Variants in ACVR1 observed in about 807,000 individuals in gnomAD.
ACVR1 encodes the protein activin receptor type-1.
A neutral mutation model predicts 57.1 loss-of-function variants in ACVR1; 38 were observed. That is an observed-to-expected ratio of 0.67 (90% confidence interval 0.51 to 0.87). The LOEUF (loss-of-function observed/expected upper bound fraction) is 0.87. Among genes scored for constraint, ACVR1 ranks in the 40% least tolerant of loss-of-function variants. The pLI is 0.00. For missense variants in ACVR1, 463 were observed against 638.2 expected, an observed-to-expected ratio of 0.73 and a Z score of 2.96; for synonymous variants, 212 against 228.1, an observed-to-expected ratio of 0.93 and a Z score of 0.63.
At chr2:157,867,395 C>T (rs574039459) in intron 1 of ACVR1, among the ~76,000 whole-genome samples, 124 of 152,218 alleles carry the variant, frequency 8.1e-4, no homozygotes, top group Non-Finnish European at 1.5e-3. Flanking sequence ...TAGGGTCAAT[C>T]CAGTTAGCCT....
chr2:157,779,048 C>T (rs908694405), intron 4 of ACVR1, among the ~76,000 whole-genome samples: 1 of 152,134 alleles, frequency 6.6e-6, no homozygotes, highest in Non-Finnish European at 1.5e-5. Flanking sequence ...GCTTGGCATA[C>T]ATCATACTCC....
Position 157,805,780 on chromosome 2 carries a change from T to TTTTG in ACVR1, c.-7-6284_-7-6281dup, listed in dbSNP as rs1028957396. Among the ~76,000 whole-genome samples, 13 of 151,696 alleles carry TTTTG rather than the reference T, an allele frequency of 8.6e-5. No individual in the cohort carries two copies. The South Asian group carries it at 1.0e-3, about 12-fold the overall frequency. Reference sequence around the variant, plus strand: ...TCTTGTTCTGTCATCCTTAACAGTTTTTTGTTTGTTTGTTTGTTTGGGTTT... The same window carrying TTTTG: ...TCTTGTTCTGTCATCCTTAACAGTTTTTTGTTTGTTTGTTTGTTTGTTTGGGTTT... On this transcript the variant is annotated intron_variant, in intron 2 of 10. Transcript: ENST00000434821.
Position 157,795,311 on chromosome 2 carries a change from A to C in ACVR1, c.67+4116T>G, listed in dbSNP as rs946042257. Among the ~76,000 whole-genome samples, 5 of 151,816 alleles carry C rather than the reference A, an allele frequency of 3.3e-5. No individual in the cohort carries two copies. In the South Asian group the frequency reaches 1.0e-3, roughly 32 times the overall value. ...TTGAGGATACTAGAGTGTATTATAAATAGGGTTTCTCTTTGGTTTTTAAAA... is the reference window on the plus strand; with the variant it reads ...TTGAGGATACTAGAGTGTATTATAACTAGGGTTTCTCTTTGGTTTTTAAAA... On this transcript the variant is annotated intron_variant, in intron 3 of 10. Transcript: ENST00000434821.
At position 157,737,540 on chromosome 2, in the gene ACVR1, A is replaced by G; in HGVS notation, c.1521T>C (p.Thr507=). Residue 507 remains threonine (T), a synonymous_variant, in exon 11 of 11, where the codon ACT becomes ACC. Coordinates refer to ENST00000434821, the MANE Select transcript of ACVR1 (RefSeq NM_001111067.4). The stretch of plus-strand genomic sequence containing the variant: ...TGACACTATGAAAATGTCAACAGTC[A>G]GTTTTCAATTTGTCGAGGGAATTAT... ...KIDNSLDKLK[T]DC is the part of the protein sequence containing the mutation. The G allele has an allele frequency of 6.2e-7, 1 of 1,614,068 alleles. No homozygotes were observed. The highest frequency in any genetic ancestry group is 8.5e-7 in the Non-Finnish European group (1 of 1,179,974).
chr2:157,782,076 T>C (rs1336620688), intron 3 of ACVR1, among the ~76,000 whole-genome samples: 1 of 152,236 alleles, frequency 6.6e-6, no homozygotes, highest in African/African-American at 2.4e-5. Context: ...GTAAGGTCTT[T>C]GAAAATGTCA....
intron 2 of ACVR1, among the ~76,000 whole-genome samples, chr2:157,804,265 G>A (rs1014052440): frequency 1.2e-4 from 19 of 152,086 alleles, no homozygotes; most frequent in African/African-American, 1.9e-4. Context: ...AGCACTTAGC[G>A]GATACCTGAC....
At chr2:157,807,901 G>A (rs1687614188) in intron 2 of ACVR1, among the ~76,000 whole-genome samples, 1 of 147,216 alleles carries the variant, frequency 6.8e-6, no homozygotes, top group Non-Finnish European at 1.5e-5. Context: ...AGGCCAGAGA[G>A]GTACATTTCT....
intron 9 of ACVR1, among the ~76,000 whole-genome samples, chr2:157,758,405 T>TTTG (rs748804024): frequency 4.2e-4 from 64 of 151,986 alleles, no homozygotes; most frequent in South Asian, 8.3e-4. Flanking sequence ...ATACTGTATT[T>TTTG]TTGTTGTTGT....
chr2:157,770,393 C>G lies in ACVR1; in HGVS notation c.765G>C (p.Val255=). 1 of 1,614,100 alleles carries G rather than the reference C, an allele frequency of 6.2e-7. No individual in the cohort carries two copies. The highest frequency in any genetic ancestry group is 8.5e-7 in the Non-Finnish European group (1 of 1,179,952). Residue 255 remains valine (V), a synonymous_variant, in exon 7 of 11, where the codon GTG becomes GTC. Coordinates refer to ENST00000434821, the MANE Select transcript of ACVR1 (RefSeq NM_001111067.4). ...WFRETELYNT[V]MLRHENILGF... is the part of the protein sequence containing the mutation. The stretch of plus-strand genomic sequence containing the variant: ...CTAAGATATTTTCATGCCTCAGCAT[C>G]ACAGTGTTGTACAATTCCGTTTCCC...
chr2:157,828,661 G>A (rs566917807), intron 1 of ACVR1, among the ~76,000 whole-genome samples: 155 of 152,088 alleles, frequency 1.0e-3, no homozygotes, highest in African/African-American at 3.4e-3. Flanking sequence ...TACTGCGATG[G>A]CACCCAACCC....
At chr2:157,861,748 G>A (rs752335943) in intron 1 of ACVR1, among the ~76,000 whole-genome samples, 16 of 152,080 alleles carry the variant, frequency 1.1e-4, no homozygotes, top group East Asian at 5.8e-4. Flanking sequence ...TCAAAATCAC[G>A]GGCAATGCAT....
chr2:157,770,142 G>A (rs1202759826), intron 7 of ACVR1, among the ~76,000 whole-genome samples: 1 of 152,172 alleles, frequency 6.6e-6, no homozygotes, highest in Non-Finnish European at 1.5e-5. Flanking sequence ...ATAAGAATTA[G>A]CACTAGTGGA....
At chr2:157,861,494 G>A (rs182263757) in intron 1 of ACVR1, among the ~76,000 whole-genome samples, 37 of 152,106 alleles carry the variant, frequency 2.4e-4, no homozygotes, top group Admixed American at 6.5e-4. Flanking sequence ...ATAGCACCAC[G>A]CATTTTTATA....
intron 1 of ACVR1, chr2:157,819,405 G>A (rs916782837): frequency 1.3e-5 from 2 of 151,252 alleles, no homozygotes; most frequent in Non-Finnish European, 2.9e-5. Context: ...GCTTGAACCT[G>A]AGAGGCGGAG....
intron 1 of ACVR1, among the ~76,000 whole-genome samples, chr2:157,831,384 T>C (rs1187442438): frequency 6.6e-6 from 1 of 152,212 alleles, no homozygotes; most frequent in Non-Finnish European, 1.5e-5. Context: ...TCTGAACTCA[T>C]GACTGCACTG....
At chr2:157,818,238 A>G (rs1688016742) in intron 2 of ACVR1, 147 bp downstream of exon 2, 1 of 152,226 alleles carries the variant, frequency 6.6e-6, no homozygotes, top group Non-Finnish European at 1.5e-5. Flanking sequence ...ATATAAAAAA[A>G]CAAAATAATC....
At chr2:157,862,869 C>CAAAAAAAAA (rs1158581005) in intron 1 of ACVR1, among the ~76,000 whole-genome samples, 2 of 141,712 alleles carry the variant, frequency 1.4e-5, no homozygotes, top group African/African-American at 5.8e-5. Flanking sequence ...GACTCCGTCT[C>CAAAAAAAAA]AAAAAAAAAA....
intron 9 of ACVR1, among the ~76,000 whole-genome samples, chr2:157,753,215 GA>G (rs1685277760): frequency 6.6e-6 from 1 of 152,124 alleles, no homozygotes; most frequent in Non-Finnish European, 1.5e-5. Flanking sequence ...AAAAAGACAA[GA>G]GGAACACTAA....
intron 9 of ACVR1, among the ~76,000 whole-genome samples, chr2:157,755,148 A>G (rs1685373650): frequency 2.0e-5 from 3 of 152,198 alleles, no homozygotes; most frequent in Admixed American, 2.0e-4. Context: ...TCTACAGCCA[A>G]CATTATACTG....
Sources: gnomAD v4.1 joint callset for allele counts (sites outside exome capture counted in the v4.1 genomes callset) on GRCh38, gnomAD v4.1.1 for gene constraint, MANE v1.5 for transcripts, NCBI Gene and HGNC (gene_info 2026-07-23, HGNC 2026-07-21) for gene names.